Variants in ANK2 observed in about 807,000 individuals in gnomAD.
ANK2 encodes ankyrin-2.
ANK2 carries 83 observed loss-of-function variants against 360.5 expected under a neutral mutation model. The observed-to-expected ratio is 0.23, with a 90% CI of 0.19 to 0.28. ANK2 has a LOEUF of 0.28. Among genes scored for constraint, ANK2 ranks in the 10% least tolerant of loss-of-function variants. The probability of loss-of-function intolerance (pLI) is 1.00; values close to 1 mark genes in which losing one functional copy is unlikely to be tolerated. For missense variants in ANK2, 4,201 were observed against 4,795.7 expected (o/e 0.88, Z 3.66); for synonymous variants, 1,740 against 1,759.5 (o/e 0.99, Z 0.28).
Position 112,948,050 on chromosome 4 carries a change from T to A in ANK2, c.21+43536T>A, listed in dbSNP as rs2094665677. The stretch of plus-strand genomic sequence containing the variant: ...TTTGTAATATGCGCTTCCTAATGTA[T>A]ACATGCAAACCCACAATTATCACTT... On this transcript the variant is annotated intron_variant, in intron 2 of 30. Coordinates refer to the ANK2 transcript ENST00000503271. Among the ~76,000 whole-genome samples, 4 of 152,226 alleles carry A rather than the reference T, an allele frequency of 2.6e-5. No homozygotes were observed. The South Asian group carries it at 8.3e-4, about 32-fold the overall frequency.
intron 28 of ANK2, among the ~76,000 whole-genome samples, chr4:113,332,476 T>C (rs1304983522): frequency 2.0e-5 from 3 of 152,246 alleles, no homozygotes; most frequent in African/African-American, 7.2e-5. Context: ...CTGAATATAA[T>C]AGGCATTGGA....
intron 2 of ANK2, among the ~76,000 whole-genome samples, chr4:112,911,551 G>A (rs1010717144): frequency 1.3e-5 from 2 of 151,930 alleles, no homozygotes; most frequent in African/African-American, 4.8e-5. Flanking sequence ...TTGAACTCTT[G>A]GGCTCAAGAG....
At chr4:113,149,933 A>T (rs2096989291) in intron 1 of ANK2, among the ~76,000 whole-genome samples, 1 of 149,726 alleles carries the variant, frequency 6.7e-6, no homozygotes, top group Non-Finnish European at 1.5e-5. Context: ...CATGACTTTC[A>T]TTCTCTAGGA....
chr4:112,878,452 G>C (rs551466687), intron 1 of ANK2, among the ~76,000 whole-genome samples: 52 of 151,782 alleles, frequency 3.4e-4, no homozygotes, highest in African/African-American at 1.2e-3. Context: ...TCAGCCTCCC[G>C]AGTAGCTGGG....
chr4:112,934,602 G>A (rs953762451), intron 2 of ANK2, among the ~76,000 whole-genome samples: 25 of 152,046 alleles, frequency 1.6e-4, no homozygotes, highest in African/African-American at 5.8e-4. Flanking sequence ...TATTGTATTT[G>A]TTTCTTCACA....
intron 26 of ANK2, among the ~76,000 whole-genome samples, chr4:113,329,628 T>G (rs1220822220): frequency 6.6e-6 from 1 of 152,300 alleles, no homozygotes; most frequent in Non-Finnish European, 1.5e-5. Context: ...ATTAGAATGG[T>G]ATGGCAGAGA....
At chr4:113,001,331 C>CA (rs11310852) in intron 2 of ANK2, among the ~76,000 whole-genome samples, 2,177 of 84,144 alleles carry the variant, frequency 0.026, 89 homozygotes, top group African/African-American at 0.083. Context: ...AACTCTGTCT[C>CA]AAAAAAAAAA....
intron 2 of ANK2, among the ~76,000 whole-genome samples, chr4:112,976,580 G>C (rs2041501705): frequency 6.6e-6 from 1 of 152,078 alleles, no homozygotes; most frequent in Admixed American, 6.6e-5. Context: ...GTTTCATTCA[G>C]TAGTGTATGA....
the ANK2 span, among the ~76,000 whole-genome samples, chr4:112,730,585 C>T: frequency 1.3e-4 from 16 of 127,542 alleles, no homozygotes; most frequent in African/African-American, 4.7e-4. Context: ...TGCAGTGAGC[C>T]GAGATCGCAC....
chr4:113,331,220 A>G (rs1237207441), intron 27 of ANK2, among the ~76,000 whole-genome samples: 1 of 152,220 alleles, frequency 6.6e-6, no homozygotes, highest in Non-Finnish European at 1.5e-5. Flanking sequence ...AATCAATTGT[A>G]TTTAAGTCTT....
At position 113,249,805 on chromosome 4, in the gene ANK2, T is replaced by C; in HGVS notation, c.933T>C (p.His311=). 6.2e-7 allele frequency: 1 copy of C among 1,614,218 alleles called. No individual in the cohort carries two copies. Among genetic ancestry groups the C allele is most frequent in the Non-Finnish European group, 8.5e-7 (1 of 1,180,044 alleles). ...TPLHCAARSG[H]DQVVELLLER... is the part of the protein sequence containing the mutation. ...TTCACTGTGCTGCACGAAGTGGGCATGACCAAGTGGTGGAACTTCTGTTGG... is the reference window on the plus strand; with the variant it reads ...TTCACTGTGCTGCACGAAGTGGGCACGACCAAGTGGTGGAACTTCTGTTGG... Residue 311 remains histidine (H), a synonymous_variant, in exon 10 of 46, where the codon CAT becomes CAC. Coordinates refer to ENST00000357077, the MANE Select transcript of ANK2 (RefSeq NM_001148.6).
intron 2 of ANK2, among the ~76,000 whole-genome samples, chr4:112,974,934 G>A (rs981025789): frequency 6.6e-6 from 1 of 151,948 alleles, no homozygotes; most frequent in African/African-American, 2.4e-5. Flanking sequence ...AAATGACATA[G>A]AAAGGAATTT....
chr4:112,996,524 A>G (rs181031626), intron 2 of ANK2, among the ~76,000 whole-genome samples: 17 of 152,292 alleles, frequency 1.1e-4, no homozygotes, highest in Admixed American at 9.8e-4. Context: ...TTATTGTACC[A>G]TTCACTTTTC....
At chr4:113,352,699 T>C (rs1056583354) in intron 37 of ANK2, among the ~76,000 whole-genome samples, 3 of 152,146 alleles carry the variant, frequency 2.0e-5, no homozygotes, top group African/African-American at 7.2e-5. Context: ...TTGAGATACC[T>C]CTGTGTAATT....
At chr4:113,096,010 C>G (rs2090880967) in intron 1 of ANK2, among the ~76,000 whole-genome samples, 2 of 152,196 alleles carry the variant, frequency 1.3e-5, no homozygotes, top group South Asian at 4.1e-4. Flanking sequence ...CCCCATGGTG[C>G]TCTGATGAGG....
chr4:113,306,356 A>G (rs990311502), intron 23 of ANK2, among the ~76,000 whole-genome samples: 23 of 152,164 alleles, frequency 1.5e-4, no homozygotes, highest in African/African-American at 5.5e-4. Flanking sequence ...ATAGGAAAGT[A>G]CAAGAGAGAG....
At chr4:112,875,921 CTTT>C (rs553724643) in intron 1 of ANK2, among the ~76,000 whole-genome samples, 8 of 134,394 alleles carry the variant, frequency 6.0e-5, no homozygotes, top group Admixed American at 2.3e-4. Flanking sequence ...TTTCTTTTTT[CTTT>C]TTTTTTTTTT....
At chr4:113,363,864 G>A (rs2096380797) in intron 40 of ANK2, among the ~76,000 whole-genome samples, 2 of 152,164 alleles carry the variant, frequency 1.3e-5, no homozygotes, top group African/African-American at 4.8e-5. Context: ...TGGTTCCCAT[G>A]CAAAGTGCTC....
At chr4:112,997,879 A>G (rs532899924) in intron 2 of ANK2, among the ~76,000 whole-genome samples, 1 of 151,218 alleles carries the variant, frequency 6.6e-6, no homozygotes, top group South Asian at 2.1e-4. Context: ...ACACACACAC[A>G]TACACATACA....
Sources: allele counts gnomAD v4.1 joint callset (sites outside exome capture counted in the v4.1 genomes callset), GRCh38; gene constraint gnomAD v4.1.1; transcripts MANE v1.5; gene names NCBI Gene and HGNC (gene_info 2026-07-23, HGNC 2026-07-21).